Variants in PPME1 observed in about 807,000 individuals in gnomAD.
PPME1 encodes the protein protein phosphatase methylesterase 1.
In PPME1, 17 loss-of-function variants were observed where a neutral mutation model predicts 56.9. The observed-to-expected ratio is 0.30, with a 90% confidence interval of 0.20 to 0.45. The LOEUF is 0.45. PPME1 is among the 20% of genes least tolerant of loss of function. PPME1 has a pLI of 1.00. For missense variants in PPME1, 357 were observed against 483.2 expected (o/e 0.74, Z 2.45); for synonymous variants, 122 against 156.2 (o/e 0.78, Z 1.63).
chr11:74,203,411 G>C (rs1364736877), intron 1 of PPME1, among the ~76,000 whole-genome samples: 1 of 152,152 alleles, frequency 6.6e-6, no homozygotes, highest in Admixed American at 6.5e-5. Flanking sequence ...AGCAGGTTTT[G>C]TGTGTATATG....
Position 74,185,160 on chromosome 11 carries a change from C to T in PPME1, c.101+13638C>T, listed in dbSNP as rs183058508. Among the ~76,000 whole-genome samples the T allele has an allele frequency of 6.3e-4, 96 of 151,840 alleles. No homozygotes were observed. The East Asian group carries it at 0.015, about 24-fold the overall frequency. ...GATTACAGGCACATGTCACCACAAC[C>T]GGCTAATTTTTGTATTTTTAGTAGA... On this transcript the variant is annotated intron_variant, in intron 1 of 13. Transcript: ENST00000328257.
rs549878530 is a variant in PPME1 at position 74,235,938 on chromosome 11, C to T, written c.682C>T (p.Arg228Cys). The T allele has an allele frequency of 5.3e-5, 85 of 1,612,610 alleles. No individual in the cohort carries two copies. The highest frequency in any genetic ancestry group is 4.5e-4 in the South Asian group (41 of 90,562). ...CCAGATTCGAAATCTGGAGTCTGCCCGTGTCTCAATGGTTGGCCAAGTCAA... is the reference window on the plus strand; with the variant it reads ...CCAGATTCGAAATCTGGAGTCTGCCTGTGTCTCAATGGTTGGCCAAGTCAA... ...SGQIRNLESA[R>C]VSMVGQVKQC... is the part of the protein sequence containing the mutation. Residue 228 changes from arginine (R) to cysteine (C), a missense_variant, in exon 8 of 14, where the codon CGT becomes TGT. Coordinates refer to ENST00000328257, the MANE Select transcript of PPME1 (RefSeq NM_016147.3).
intron 1 of PPME1, among the ~76,000 whole-genome samples, chr11:74,194,094 G>T (rs1318202952): frequency 2.0e-5 from 3 of 152,080 alleles, no homozygotes; most frequent in African/African-American, 4.8e-5. Flanking sequence ...ATATGTAAAT[G>T]ATATGTATTT....
chr11:74,215,779 GAC>G (rs1858623693), intron 3 of PPME1, among the ~76,000 whole-genome samples: 2 of 152,124 alleles, frequency 1.3e-5, no homozygotes, highest in Admixed American at 1.3e-4. Context: ...TATCTGTAAA[GAC>G]ACATATAGAC....
chr11:74,222,283 G>A, intron 3 of PPME1, 29 bp from the exon 4 acceptor site: 2 of 1,554,500 alleles, frequency 1.3e-6, no homozygotes, highest in Non-Finnish European at 1.8e-6. Flanking sequence ...TCCTAGATGT[G>A]TCTTAACTAC....
chr11:74,202,693 G>A lies in PPME1; in HGVS notation c.102-1035G>A, dbSNP rs76062530. On this transcript the variant is annotated intron_variant, in intron 1 of 13. Coordinates refer to ENST00000328257, the MANE Select transcript of PPME1 (RefSeq NM_016147.3). ...TTGTATTCCATCCAAGGTTGAAGAC[G>A]TAAATTGTGAATAGACACTTACTGA... is the stretch of plus-strand genomic sequence containing the variant. Among the ~76,000 whole-genome samples the A allele has an allele frequency of 3.5e-3, 538 of 152,222 alleles. 5 individuals are homozygous for A. Among genetic ancestry groups the A allele is most frequent in the African/African-American group, 0.012 (509 of 41,546 alleles).
chr11:74,204,654 T>A (rs547276381), intron 3 of PPME1, among the ~76,000 whole-genome samples: 1 of 152,248 alleles, frequency 6.6e-6, no homozygotes, highest in South Asian at 2.1e-4. Flanking sequence ...TGTTATGTAT[T>A]GTTCTTTGAG....
At chr11:74,175,369 C>T (rs564370907) in intron 1 of PPME1, among the ~76,000 whole-genome samples, 131 of 152,126 alleles carry the variant, frequency 8.6e-4, no homozygotes, top group African/African-American at 3.0e-3. Flanking sequence ...GGCGTGGTGG[C>T]ACATGCCTGT....
chr11:74,190,410 G>T (rs190779173), intron 1 of PPME1, among the ~76,000 whole-genome samples: 2 of 152,130 alleles, frequency 1.3e-5, no homozygotes, highest in Admixed American at 6.6e-5. Context: ...CCTGCTGTCG[G>T]CTCCCACTCT....
At chr11:74,226,983 T>A (rs1195582291) in intron 5 of PPME1, among the ~76,000 whole-genome samples, 1 of 152,192 alleles carries the variant, frequency 6.6e-6, no homozygotes, top group Non-Finnish European at 1.5e-5. Flanking sequence ...CATGGTTTAC[T>A]GAAGGTTAGA....
At chr11:74,225,635 A>G (rs563379986) in intron 5 of PPME1, among the ~76,000 whole-genome samples, 1 of 152,328 alleles carries the variant, frequency 6.6e-6, no homozygotes, top group Admixed American at 6.5e-5. Flanking sequence ...TCCTTCAGGT[A>G]TCCTGCGTAC....
At chr11:74,200,941 C>A (rs1481533204) in intron 1 of PPME1, among the ~76,000 whole-genome samples, 1 of 152,004 alleles carries the variant, frequency 6.6e-6, no homozygotes, top group South Asian at 2.1e-4. Flanking sequence ...CCACCTCAGT[C>A]TCTCCCGAGT....
At chr11:74,204,528 C>A in intron 3 of PPME1, 83 bp downstream of exon 3, 2 of 1,204,100 alleles carry the variant, frequency 1.7e-6, no homozygotes, top group Non-Finnish European at 2.4e-6. Flanking sequence ...GAAGTTAACA[C>A]ATTCTATTTG....
intron 4 of PPME1, among the ~76,000 whole-genome samples, chr11:74,224,342 T>C (rs1480313107): frequency 2.9e-5 from 4 of 138,288 alleles, no homozygotes; most frequent in Non-Finnish European, 6.1e-5. Flanking sequence ...TTTTGGTTAC[T>C]GTAGCCTTGT....
rs149505318 is a variant in PPME1, at chr11:74,240,452, T to C, written c.834+1196T>C. Among the ~76,000 whole-genome samples the C allele has an allele frequency of 3.9e-5, 6 of 152,344 alleles. 1 individual carries two copies. In the East Asian group the frequency reaches 1.2e-3, roughly 29 times the overall value. On this transcript the variant is annotated intron_variant, in intron 9 of 13. Transcript: ENST00000328257. ...ACAAGTGCTTTTTTCTTGAAAATGTTTAGTGCTCATGAACAGCAGACTAGG... is the reference window on the plus strand; with the variant it reads ...ACAAGTGCTTTTTTCTTGAAAATGTCTAGTGCTCATGAACAGCAGACTAGG...
chr11:74,199,762 T>C (rs1858098572), intron 1 of PPME1, among the ~76,000 whole-genome samples: 1 of 152,200 alleles, frequency 6.6e-6, no homozygotes, highest in South Asian at 2.1e-4. Context: ...TCCACATGGC[T>C]GGGGAGGCAT....
chr11:74,176,775 G>A (rs1037224255), intron 1 of PPME1, among the ~76,000 whole-genome samples: 9 of 139,954 alleles, frequency 6.4e-5, no homozygotes, highest in Non-Finnish European at 9.1e-5. Flanking sequence ...CACCGAGGCC[G>A]GATGGAGTGC....
intron 3 of PPME1, among the ~76,000 whole-genome samples, chr11:74,213,033 T>C (rs142604057): frequency 2.1e-3 from 312 of 152,150 alleles, no homozygotes; most frequent in African/African-American, 6.9e-3. Context: ...AGGTGGACTC[T>C]TGGGGTTCCC....
intron 1 of PPME1, among the ~76,000 whole-genome samples, chr11:74,198,292 T>C (rs1858045601): frequency 6.6e-6 from 1 of 152,160 alleles, no homozygotes; most frequent in African/African-American, 2.4e-5. Context: ...AAGTCTCCCA[T>C]TTTTTTCTCT....
Sources: allele counts gnomAD v4.1 joint callset (sites outside exome capture counted in the v4.1 genomes callset), GRCh38; gene constraint gnomAD v4.1.1; transcripts MANE v1.5; gene names NCBI Gene and HGNC (gene_info 2026-07-23, HGNC 2026-07-21).